WDFY4: variants seen among roughly 807,000 people sequenced by gnomAD.
WDFY4 encodes WD repeat- and FYVE domain-containing protein 4.
WDFY4 carries 169 observed loss-of-function variants against 351.9 expected under a neutral mutation model. The observed-to-expected ratio is 0.48, with a 90% CI of 0.42 to 0.55. The LOEUF (loss-of-function observed/expected upper bound fraction) is 0.55. Ranked by LOEUF, WDFY4 falls within the 20% of genes least tolerant of loss-of-function variation. The probability of loss-of-function intolerance (pLI) is 0.00; values close to 1 mark genes in which losing one functional copy is unlikely to be tolerated. For missense variants in WDFY4, 3,803 were observed against 3,935.6 expected (o/e 0.97, Z 0.90); for synonymous variants, 1,622 against 1,574.6 (o/e 1.03, Z -0.71).
At chr10:48,972,780 G>C (rs531831198) in intron 57 of WDFY4, among the ~76,000 whole-genome samples, 1 of 152,190 alleles carries the variant, frequency 6.6e-6, no homozygotes, top group Non-Finnish European at 1.5e-5. Context: ...CATACCACCA[G>C]CAATCAAGAG....
At chr10:48,847,294 C>G (rs1378955574) in intron 39 of WDFY4, among the ~76,000 whole-genome samples, 1 of 152,164 alleles carries the variant, frequency 6.6e-6, no homozygotes, top group Admixed American at 6.5e-5. Context: ...AATGGCTTCA[C>G]TTTAACTTTA....
chr10:48,748,529 T>C (rs1396982915), intron 12 of WDFY4, among the ~76,000 whole-genome samples: 1 of 152,214 alleles, frequency 6.6e-6, no homozygotes, highest in East Asian at 1.9e-4. Flanking sequence ...GTTTTCCAAA[T>C]GTCTGACACG....
intron 47 of WDFY4, among the ~76,000 whole-genome samples, chr10:48,907,302 A>G (rs1366321732): frequency 6.6e-6 from 1 of 152,178 alleles, no homozygotes; most frequent in East Asian, 1.9e-4. Context: ...ATATTTTTGG[A>G]TAAACTGGAA....
intron 24 of WDFY4, among the ~76,000 whole-genome samples, chr10:48,799,935 G>C (rs1282217289): frequency 6.6e-6 from 1 of 152,094 alleles, no homozygotes; most frequent in East Asian, 1.9e-4. Flanking sequence ...TGCCAGACCG[G>C]AGTGCAGTGG....
At chr10:48,703,071 G>A (rs1337161718) in intron 1 of WDFY4, among the ~76,000 whole-genome samples, 1 of 152,138 alleles carries the variant, frequency 6.6e-6, no homozygotes, top group Non-Finnish European at 1.5e-5. Context: ...TTTTTAATTT[G>A]GTTTTAGATT....
intron 57 of WDFY4, among the ~76,000 whole-genome samples, chr10:48,971,800 C>A (rs1410735836): frequency 1.3e-5 from 2 of 152,182 alleles, no homozygotes; most frequent in African/African-American, 4.8e-5. Flanking sequence ...GCTGTACAGG[C>A]AACAGGCAGG....
chr10:48,797,581 C>G (rs541668752), intron 24 of WDFY4, among the ~76,000 whole-genome samples: 2 of 148,390 alleles, frequency 1.3e-5, no homozygotes, highest in African/African-American at 5.2e-5. Context: ...ATACCAAAAA[C>G]ATTTAAACAT....
chr10:48,791,560 C>T (rs1417110125), intron 23 of WDFY4, among the ~76,000 whole-genome samples: 1 of 152,218 alleles, frequency 6.6e-6, no homozygotes, highest in Non-Finnish European at 1.5e-5. Flanking sequence ...AGCACCTGCA[C>T]ACGGGACCTG....
intron 47 of WDFY4, among the ~76,000 whole-genome samples, chr10:48,918,558 G>A (rs2133559507): frequency 6.6e-6 from 1 of 152,230 alleles, no homozygotes; most frequent in African/African-American, 2.4e-5. Flanking sequence ...TAACAGCAGA[G>A]CTTCAATTTA....
intron 39 of WDFY4, among the ~76,000 whole-genome samples, chr10:48,844,848 A>G (rs1457632731): frequency 6.6e-6 from 1 of 152,254 alleles, no homozygotes; most frequent in Non-Finnish European, 1.5e-5. Flanking sequence ...TTTGAGGGGA[A>G]GCAGATGGCA....
At chr10:48,727,840 A>T (rs1193226839) in intron 7 of WDFY4, among the ~76,000 whole-genome samples, 181 bp downstream of exon 7, 1 of 152,220 alleles carries the variant, frequency 6.6e-6, no homozygotes, top group Non-Finnish European at 1.5e-5. Context: ...TTAGAGAATC[A>T]GTAGTTTTAC....
chr10:48,890,127 G>A (rs958515508), intron 43 of WDFY4, among the ~76,000 whole-genome samples: 28 of 152,196 alleles, frequency 1.8e-4, no homozygotes, highest in Non-Finnish European at 3.7e-4. Context: ...TGCACTTGTG[G>A]TTCTAGGCAC....
intron 24 of WDFY4, among the ~76,000 whole-genome samples, chr10:48,800,686 CTTT>C (rs2067041861): frequency 7.7e-6 from 1 of 130,102 alleles, no homozygotes; most frequent in Non-Finnish European, 1.6e-5. Flanking sequence ...TTCTTTCTTT[CTTT>C]CTTTCTTTCT....
chr10:48,712,919 G>A (rs2063804100), intron 2 of WDFY4, among the ~76,000 whole-genome samples: 1 of 152,238 alleles, frequency 6.6e-6, no homozygotes, highest in African/African-American at 2.4e-5. Context: ...ACTCTGCCTG[G>A]GCTCTGAGAC....
At chr10:48,814,937 C>A (rs963632729) in intron 31 of WDFY4, among the ~76,000 whole-genome samples, 1 of 152,134 alleles carries the variant, frequency 6.6e-6, no homozygotes, top group Admixed American at 6.5e-5. Context: ...TGGACCTCTT[C>A]TCATGCAAAT....
At position 48,950,412 on chromosome 10, in the gene WDFY4, A is replaced by G. The variant is rs372146912; in HGVS notation, c.7977+3443A>G. Among the ~76,000 whole-genome samples the G allele has an allele frequency of 4.3e-4, 65 of 152,282 alleles. 1 individual carries two copies. In the South Asian group the frequency reaches 0.013, roughly 31 times the overall value. The stretch of plus-strand genomic sequence containing the variant: ...GTCTGCGCCCCTGTATTTGTAGACC[A>G]CATGTTGTTTATCATTCGTCCATGG... On this transcript the variant is annotated intron_variant, in intron 51 of 61. Coordinates refer to ENST00000325239, the MANE Select transcript of WDFY4 (RefSeq NM_001394531.1).
At chr10:48,818,894 C>T (rs1457435221) in intron 32 of WDFY4, among the ~76,000 whole-genome samples, 1 of 152,204 alleles carries the variant, frequency 6.6e-6, no homozygotes, top group Non-Finnish European at 1.5e-5. Context: ...GCGCAGGCAG[C>T]CTGGCCAGGG....
intron 2 of WDFY4, among the ~76,000 whole-genome samples, chr10:48,715,064 C>A (rs2063864562): frequency 6.6e-6 from 1 of 152,238 alleles, no homozygotes; most frequent in South Asian, 2.1e-4. Context: ...TGTAAGGAAG[C>A]CCAAGTAGTT....
chr10:48,827,505 T>C (rs1178796287), intron 36 of WDFY4, among the ~76,000 whole-genome samples: 14 of 146,094 alleles, frequency 9.6e-5, no homozygotes, highest in African/African-American at 3.5e-4. Flanking sequence ...GAGACAGGAA[T>C]TATGTTCACT....
Sources: gnomAD v4.1 joint callset for allele counts (sites outside exome capture counted in the v4.1 genomes callset) on GRCh38, gnomAD v4.1.1 for gene constraint, MANE v1.5 for transcripts, NCBI Gene and HGNC (gene_info 2026-07-23, HGNC 2026-07-21) for gene names.